The following CACNG7 variants were observed in gnomAD, a reference collection of about 807,000 sequenced individuals.
CACNG7 encodes the protein calcium voltage-gated channel auxiliary subunit gamma 7, also known as voltage-dependent calcium channel gamma-7 subunit.
In CACNG7, 9 loss-of-function variants were observed where a neutral mutation model predicts 26.3. That is an observed-to-expected ratio of 0.34 (90% CI 0.21 to 0.60). The LOEUF (loss-of-function observed/expected upper bound fraction) is 0.60. Ranked by LOEUF, CACNG7 falls within the 20% of genes least tolerant of loss-of-function variation. The pLI is 0.81. For synonymous variants in CACNG7, 170 were observed against 157.0 expected, an observed-to-expected ratio of 1.08 and a Z score of -0.62; for missense variants, 297 against 380.4, an observed-to-expected ratio of 0.78 and a Z score of 1.82.
At chr19:53,928,487 C>T (rs1486828430) in intron 4 of CACNG7, among the ~76,000 whole-genome samples, 1 of 151,918 alleles carries the variant, frequency 6.6e-6, no homozygotes, top group Non-Finnish European at 1.5e-5. Context: ...GTTGGCCAGG[C>T]TGGTCTCGAA....
At chr19:53,941,780 G>A in intron 5 of CACNG7, 165 bp downstream of exon 5, 1 of 951,888 alleles carries the variant, frequency 1.1e-6, no homozygotes, top group East Asian at 2.7e-5. Flanking sequence ...AGAGGGGTCT[G>A]AGAGCTCCAA....
At position 53,943,476 on chromosome 19, in the gene CACNG7, C is replaced by T. The variant is rs1190027402; in HGVS notation, c.*1183C>T. 1 of 144,324 alleles carries T rather than the reference C, an allele frequency of 6.9e-6. No individual in the cohort carries two copies. Among genetic ancestry groups the T allele is most frequent in the East Asian group, 2.1e-4 (1 of 4,722 alleles). The allele number at this position is 144,324 out of a possible 1,614,324, so 8.9% of individuals were successfully genotyped here. On this transcript the variant is annotated 3_prime_UTR_variant, in exon 6 of 6. Transcript: ENST00000391767. ...AGTGCTGTACACGGAACCAGAATGG[C>T]CCCCGGGGTGGGGGGAGGGGGGCAG...
rs867459189 is a variant in CACNG7, at chr19:53,922,316, G to T, written c.424+6811G>T. ...CTGGTATTGGTGGAGTTGTCCCCAG[G>T]TCTGGTCATTGGTGGAGTTGTCCCC... is the stretch of plus-strand genomic sequence containing the variant. On this transcript the variant is annotated intron_variant, in intron 4 of 5. Transcript: ENST00000391767. Among the ~76,000 whole-genome samples the T allele has an allele frequency of 7.8e-5, 8 of 102,404 alleles. 1 individual carries two copies. In the South Asian group the frequency reaches 1.1e-3, roughly 14 times the overall value. 67.2% of individuals were successfully genotyped at this position (102,404 alleles called of 152,430 possible). A position where few individuals can be genotyped will look rare whatever the true frequency, so the allele number is the denominator to read the frequency against.
intron 4 of CACNG7, among the ~76,000 whole-genome samples, chr19:53,926,466 C>G (rs1462915910): frequency 2.0e-5 from 3 of 152,156 alleles, no homozygotes; most frequent in African/African-American, 7.2e-5. Context: ...CAAACTTTTT[C>G]TCTTCAGAGT....
At chr19:53,933,249 G>A (rs2069085095) in intron 4 of CACNG7, among the ~76,000 whole-genome samples, 1 of 150,320 alleles carries the variant, frequency 6.7e-6, no homozygotes, top group South Asian at 2.1e-4. Context: ...TCCAGCCTCA[G>A]CCTCCTGAGT....
At position 53,915,373 on chromosome 19, in the gene CACNG7, C is replaced by T. The variant is rs1306495029; in HGVS notation, c.292C>T (p.Arg98Cys). The T allele has an allele frequency of 1.1e-5, 18 of 1,613,180 alleles. No homozygotes were observed. The highest frequency in any genetic ancestry group is 4.5e-5 in the East Asian group (2 of 44,866). ...ENTENILKTV[R>C]TATPFPMVSL... is the part of the protein sequence containing the mutation. Reference sequence around the variant, plus strand: ...CCCCATCCCCTCCCCAGAGACAGTGCGCACGGCCACCCCCTTCCCCATGGT... The same window carrying T: ...CCCCATCCCCTCCCCAGAGACAGTGTGCACGGCCACCCCCTTCCCCATGGT... The change falls in exon 4 of 6, where the codon CGC becomes TGC. Residue 98 changes from arginine (R) to cysteine (C), a missense_variant. Transcript: ENST00000391767.
In CACNG7 at chr19:53,942,146, C is replaced by T. The variant is rs2069141762; in HGVS notation, c.681C>T (p.Tyr227=). 1.9e-6 allele frequency: 3 copies of T among 1,614,088 alleles called. No homozygotes were observed. Among genetic ancestry groups the T allele is most frequent in the East Asian group, 4.5e-5 (2 of 44,872 alleles). Residue 227 remains tyrosine, a synonymous_variant, in exon 6 of 6, where the codon TAC becomes TAT. Transcript: ENST00000391767. The surrounding 1 kb of genome is among the most constrained non-coding windows in gnomAD (Gnocchi z 5.9). ...YRPRLSDCSD[Y]SGQFLQPEAW... ...CGCGTCTCAGCGACTGCTCCGACTA[C>T]TCGGGCCAGTTCCTGCAGCCCGAGG...
chr19:53,914,665 T>G, intron 3 of CACNG7, 79 bp downstream of exon 3: 1 of 1,312,204 alleles, frequency 7.6e-7, no homozygotes, highest in Non-Finnish European at 1.1e-6. Context: ...GGGGCAGGAC[T>G]AGGGAAAGGG....
chr19:53,937,357 G>A (rs925106463), intron 4 of CACNG7, among the ~76,000 whole-genome samples: 4 of 152,094 alleles, frequency 2.6e-5, no homozygotes, highest in East Asian at 1.9e-4. Context: ...CCCCTTTCAC[G>A]TGGCGGCACC....
rs1568775075 is a variant in CACNG7, at chr19:53,922,047, CCTGGTATTGGTGGAGTTGCCCCAGGT to C, written c.424+6561_424+6586del. 5.7e-5 allele frequency among the ~76,000 whole-genome samples: 4 copies of C among 69,604 alleles called. 1 individual carries two copies. The highest frequency in any genetic ancestry group is 5.1e-4 in the South Asian group (1 of 1,968). The allele number at this position is 69,604 out of a possible 152,430, so 45.7% of individuals were successfully genotyped here. A position where few individuals can be genotyped will look rare whatever the true frequency, so the allele number is the denominator to read the frequency against. On this transcript the variant is annotated intron_variant, in intron 4 of 5. Coordinates refer to ENST00000391767, the MANE Select transcript of CACNG7 (RefSeq NM_031896.5). The stretch of plus-strand genomic sequence containing the variant: ...GGTCATTGGTGGAGTTGTCCCCAGG[CCTGGTATTGGTGGAGTTGCCCCAGGT>C]CTGGTATTGGTGGAGTTGTCCCCAG...
chr19:53,910,919 G>C (rs963249574), intron 1 of CACNG7, among the ~76,000 whole-genome samples: 1 of 152,126 alleles, frequency 6.6e-6, no homozygotes, highest in African/African-American at 2.4e-5. Context: ...GTTTCAGATC[G>C]TGTGTTAGGG....
intron 4 of CACNG7, among the ~76,000 whole-genome samples, chr19:53,925,587 A>AGGCTGGTCATTGGTGGACTTGCCCCC (rs1568778715): frequency 1.0e-4 from 15 of 150,464 alleles, no homozygotes; most frequent in South Asian, 4.2e-4. Context: ...GACTTGCCCC[A>AGGCTGGTCATTGGTGGACTTGCCCCC]GGCTGGTCAT....
intron 2 of CACNG7, 55 bp from the exon 3 acceptor site, chr19:53,914,445 C>A: frequency 1.3e-6 from 2 of 1,516,108 alleles, no homozygotes; most frequent in Non-Finnish European, 1.8e-6. Context: ...CACCCCCAGC[C>A]TCTCTAGAGC....
chr19:53,913,906 A>G (rs2068876896), intron 2 of CACNG7, among the ~76,000 whole-genome samples: 1 of 151,740 alleles, frequency 6.6e-6, no homozygotes, highest in Admixed American at 6.6e-5. Context: ...GTTCTGATCT[A>G]CAGCCCCTTT....
chr19:53,917,427 G>A (rs1279160656), intron 4 of CACNG7, among the ~76,000 whole-genome samples: 1 of 152,130 alleles, frequency 6.6e-6, no homozygotes, highest in Non-Finnish European at 1.5e-5. Context: ...GTTGAAAAGG[G>A]ATCCTCCAAC....
At position 53,941,559 on chromosome 19, in the gene CACNG7, C is replaced by T; in HGVS notation, c.514C>T (p.His172Tyr). 6.2e-7 allele frequency: 1 copy of T among 1,609,466 alleles called. No individual in the cohort carries two copies. The highest frequency in any genetic ancestry group is 1.3e-5 in the African/African-American group (1 of 74,634). The change falls in exon 5 of 6, where the codon CAT (histidine) becomes TAT (tyrosine). Residue 172 changes from histidine to tyrosine, a missense_variant. Physicochemically the swap from His to Tyr is moderately conservative, Grantham distance 83. Transcript: ENST00000391767. ...GCCCAGCAGCTCTGAGCAGTATTTT[C>T]ATTATCGCTACGGGTGGTCTTTTGC... ...NRPSSSEQYF[H>Y]YRYGWSFAFA...
rs2068868173 is a variant in CACNG7 at position 53,912,677 on chromosome 19, T to C, written c.-29-126T>C. Reference sequence around the variant, plus strand: ...GGGGTCATGGGTCAGGCCACGGAGGTCAGATCTGAGATTTCGATTTGGGAG... The same window carrying C: ...GGGGTCATGGGTCAGGCCACGGAGGCCAGATCTGAGATTTCGATTTGGGAG... On this transcript the variant is annotated intron_variant, in intron 1 of 5. Coordinates refer to ENST00000391767, the MANE Select transcript of CACNG7 (RefSeq NM_031896.5). This position sits in a 1 kb window ranked among gnomAD's most constrained non-coding sequence, Gnocchi z 4.6. 1.4e-6 allele frequency: 1 copy of C among 709,948 alleles called. No individual in the cohort carries two copies. The highest frequency in any genetic ancestry group is 1.7e-5 in the South Asian group (1 of 58,126). 44.0% of individuals were successfully genotyped at this position (709,948 alleles called of 1,614,324 possible).
chr19:53,926,885 C>T lies in CACNG7; in HGVS notation c.424+11380C>T, dbSNP rs187043981. Among the ~76,000 whole-genome samples the T allele has an allele frequency of 1.3e-3, 191 of 152,324 alleles. 2 individuals carry two copies. Among genetic ancestry groups the T allele is most frequent in the Admixed American group, 0.011 (170 of 15,300 alleles). ...CCAAGATCATGCCACTGCACTCTAG[C>T]TTGGTCGACAGAACAAGACTCTGTC... On this transcript the variant is annotated intron_variant, in intron 4 of 5. Transcript: ENST00000391767.
chr19:53,934,526 G>A (rs2069093060), intron 4 of CACNG7, among the ~76,000 whole-genome samples: 1 of 152,012 alleles, frequency 6.6e-6, no homozygotes, highest in African/African-American at 2.4e-5. Flanking sequence ...TGTAATCCTA[G>A]CAGTTTGGGA....
Sources: allele counts gnomAD v4.1 joint callset (sites outside exome capture counted in the v4.1 genomes callset), GRCh38; gene constraint gnomAD v4.1.1; non-coding constraint Gnocchi (gnomAD v3.1); transcripts MANE v1.5; gene names NCBI Gene and HGNC (gene_info 2026-07-23, HGNC 2026-07-21).